Variants in NWD1 observed in about 807,000 individuals in gnomAD.
NWD1 encodes NACHT and WD repeat domain containing 1, also known as NACHT domain- and WD repeat-containing protein 1.
A neutral mutation model predicts 135.1 loss-of-function variants in NWD1; 129 were observed. The observed-to-expected ratio is 0.96, with a 90% CI of 0.83 to 1.11. The LOEUF (loss-of-function observed/expected upper bound fraction) is 1.11, where lower values mean the gene tolerates loss of function less well. NWD1 is among the 50% of genes least tolerant of loss of function. The probability of loss-of-function intolerance (pLI) is 0.00; values close to 1 mark genes in which losing one functional copy is unlikely to be tolerated. For synonymous variants in NWD1, 773 were observed against 786.0 expected (o/e 0.98, Z 0.28); for missense variants, 1,740 against 1,851.3 (o/e 0.94, Z 1.10).
At chr19:16,761,779 T>G (rs754191734) in intron 7 of NWD1, among the ~76,000 whole-genome samples, 200 bp from the exon 8 acceptor site, 3 of 151,820 alleles carry the variant, frequency 2.0e-5, no homozygotes, top group Non-Finnish European at 4.4e-5. Context: ...TTGAAATGTA[T>G]GTAAGGAAAG....
intron 17 of NWD1, among the ~76,000 whole-genome samples, chr19:16,801,151 T>C (rs1291343802): frequency 2.0e-5 from 3 of 152,008 alleles, no homozygotes; most frequent in African/African-American, 7.2e-5. Flanking sequence ...TGGTGGTGCA[T>C]GCCTGTAATC....
chr19:16,797,678 A>C (rs1599549869), intron 15 of NWD1, 54 bp from the exon 16 acceptor site: 52 of 1,524,804 alleles, frequency 3.4e-5, no homozygotes, highest in Admixed American at 1.8e-4. Flanking sequence ...GGAAGGAATG[A>C]CCCTCAATCT....
chr19:16,729,062 G>A (rs1360162773), intron 2 of NWD1, among the ~76,000 whole-genome samples: 1 of 152,020 alleles, frequency 6.6e-6, no homozygotes, highest in African/African-American at 2.4e-5. Flanking sequence ...CCTCTATGAT[G>A]TGAATGCAGC....
rs774921895 is a variant in NWD1 at position 16,749,917 on chromosome 19, T to C, written c.1275T>C (p.Ser425=). Residue 425 remains serine (S), a synonymous_variant, in exon 6 of 19, where the codon TCT becomes TCC. Transcript: ENST00000524140. ...QFFHTLLHTV[S]CRNFESLVLL... ...TCCATACCCTCCTCCACACTGTCTC[T>C]TGCAGAAACTTCGAGTCTCTCGTGC... 6.2e-7 allele frequency: 1 copy of C among 1,613,514 alleles called. No homozygotes were observed. The highest frequency in any genetic ancestry group is 8.5e-7 in the Non-Finnish European group (1 of 1,179,998).
chr19:16,811,892 T>G (rs1444179171), intron 18 of NWD1, among the ~76,000 whole-genome samples: 2 of 151,956 alleles, frequency 1.3e-5, no homozygotes, highest in Non-Finnish European at 2.9e-5. Flanking sequence ...GGCAGGAGCT[T>G]GTAGTCCCAG....
At position 16,749,187 on chromosome 19, in the gene NWD1, A is replaced by G; in HGVS notation, c.545A>G (p.Glu182Gly). 6.2e-7 allele frequency: 1 copy of G among 1,613,502 alleles called. No homozygotes were observed. The highest frequency in any genetic ancestry group is 8.5e-7 in the Non-Finnish European group (1 of 1,179,656). ...ERSLLSSEDR[E>G]QGATVFLREI... is the part of the protein sequence containing the mutation. ...AGCCTGCTGAGCTCAGAGGACCGGGAACAGGGAGCCACCGTCTTCCTTAGA... is the reference window on the plus strand; with the variant it reads ...AGCCTGCTGAGCTCAGAGGACCGGGGACAGGGAGCCACCGTCTTCCTTAGA... The change falls in exon 6 of 19, where the codon GAA becomes GGA. Residue 182 changes from glutamate (E) to glycine (G), a missense_variant. Physicochemically the swap from Glu to Gly is moderately conservative, Grantham distance 98. Transcript: ENST00000524140.
At chr19:16,770,552 C>T (rs554859707) in intron 10 of NWD1, among the ~76,000 whole-genome samples, 3 of 152,214 alleles carry the variant, frequency 2.0e-5, no homozygotes, top group South Asian at 2.1e-4. Flanking sequence ...CCCACCGTGT[C>T]CATTGAAATC....
rs766563299 is a variant in NWD1 at position 16,779,302 on chromosome 19, C to T, written c.2609-41C>T. 7 of 1,612,410 alleles carry T rather than the reference C, an allele frequency of 4.3e-6. No individual in the cohort carries two copies. In the Admixed American group the frequency reaches 6.7e-5, roughly 15 times the overall value. The stretch of plus-strand genomic sequence containing the variant: ...GACCCCATAGCTGAATACTTGGACA[C>T]AGGAACTGAGATCATTGCTGTTGCC... On this transcript the variant is annotated intron_variant, in intron 11 of 18. Coordinates refer to ENST00000524140, the MANE Select transcript of NWD1 (RefSeq NM_001007525.5).
rs781412874 is a variant in NWD1, at chr19:16,732,599, AT to A, written c.81+1336del. On this transcript the variant is annotated intron_variant, in intron 3 of 18. Transcript: ENST00000524140. ...CCTTGTACCAATCCCTGGCTAGGGA[AT>A]TTTTTTTTTTTTTTCAGATGAGGTC... Among the ~76,000 whole-genome samples, 312 of 116,134 alleles carry A rather than the reference AT, an allele frequency of 2.7e-3. 5 individuals carry two copies. Among genetic ancestry groups the A allele is most frequent in the East Asian group, 0.011 (50 of 4,422 alleles). 76.2% of individuals were successfully genotyped at this position (116,134 alleles called of 152,430 possible).
chr19:16,812,770 G>T (rs1280558138), intron 18 of NWD1: 1 of 781,116 alleles, frequency 1.3e-6, no homozygotes, highest in South Asian at 1.3e-5. Flanking sequence ...GGGGTCCAAT[G>T]TGCTTGCTTC....
chr19:16,736,556 T>C, intron 3 of NWD1, 78 bp from the exon 4 acceptor site: 1 of 945,006 alleles, frequency 1.1e-6, no homozygotes. Flanking sequence ...AGAAACTTTC[T>C]GCTTTGTCAA....
chr19:16,741,235 T>C (rs1968066097), intron 4 of NWD1, among the ~76,000 whole-genome samples: 1 of 152,166 alleles, frequency 6.6e-6, no homozygotes, highest in Admixed American at 6.6e-5. Context: ...TTAGTCGCTG[T>C]GCCCTTCCTA....
Position 16,798,014 on chromosome 19 carries a change from T to C in NWD1, c.3459+128T>C, listed in dbSNP as rs548452765. On this transcript the variant is annotated intron_variant, in intron 16 of 18. Coordinates refer to ENST00000524140, the MANE Select transcript of NWD1 (RefSeq NM_001007525.5). ...AGTGCAGGCAAAATAGGTGAGTTCA[T>C]TGGGAGGATATGGGGGTGTATCCTC... The C allele has an allele frequency of 5.7e-4, 471 of 819,960 alleles. 6 individuals are homozygous for C. In the South Asian group the frequency reaches 7.2e-3, roughly 13 times the overall value. The allele number at this position is 819,960 out of a possible 1,614,324, so 50.8% of individuals were successfully genotyped here. A position where few individuals can be genotyped will look rare whatever the true frequency, so the allele number is the denominator to read the frequency against.
chr19:16,734,615 C>T (rs1967718786), intron 3 of NWD1, among the ~76,000 whole-genome samples: 1 of 149,772 alleles, frequency 6.7e-6, no homozygotes, highest in South Asian at 2.1e-4. Flanking sequence ...GTCGCTCTGT[C>T]ACCCAGGCTG....
At chr19:16,769,368 A>C (rs572584964) in intron 10 of NWD1, among the ~76,000 whole-genome samples, 180 of 152,162 alleles carry the variant, frequency 1.2e-3, no homozygotes, top group African/African-American at 4.1e-3. Context: ...AGGCTGAGGC[A>C]GGAGAATTGC....
chr19:16,759,986 C>G (rs1254653715), intron 7 of NWD1, among the ~76,000 whole-genome samples: 1 of 151,682 alleles, frequency 6.6e-6, no homozygotes, highest in Non-Finnish European at 1.5e-5. Flanking sequence ...GAGCGAGACT[C>G]CATTTCAAAA....
rs1414135288 is a variant in NWD1, at chr19:16,731,280, T to C, written c.81+2T>C. On this transcript the variant is annotated splice_donor_variant, in intron 3 of 18. Coordinates refer to ENST00000524140, the MANE Select transcript of NWD1 (RefSeq NM_001007525.5). LOFTEE classifies it high-confidence loss of function. ...CAGAGGCACGGCTTGATGTTTGAGG[T>C]AACTGGAAGTCACTCCGGGCTCCAT... 6.6e-7 allele frequency: 1 copy of C among 1,506,746 alleles called. No individual in the cohort carries two copies. The highest frequency in any genetic ancestry group is 1.4e-5 in the African/African-American group (1 of 72,324). 93.3% of individuals were successfully genotyped at this position (1,506,746 alleles called of 1,614,324 possible). A position where few individuals can be genotyped will look rare whatever the true frequency, so the allele number is the denominator to read the frequency against.
At chr19:16,739,775 G>C (rs1276625693) in intron 4 of NWD1, among the ~76,000 whole-genome samples, 1 of 152,164 alleles carries the variant, frequency 6.6e-6, no homozygotes, top group Non-Finnish European at 1.5e-5. Flanking sequence ...CTTTTAGAGA[G>C]GCTCCTGTCT....
intron 18 of NWD1, among the ~76,000 whole-genome samples, chr19:16,810,758 G>A (rs1970901923): frequency 6.6e-6 from 1 of 152,176 alleles, no homozygotes; most frequent in African/African-American, 2.4e-5. Context: ...ACAAGATTCT[G>A]TCTCTCGAGC....
Sources: gnomAD v4.1 joint callset for allele counts (sites outside exome capture counted in the v4.1 genomes callset) on GRCh38, gnomAD v4.1.1 for gene constraint, MANE v1.5 for transcripts, NCBI Gene and HGNC (gene_info 2026-07-23, HGNC 2026-07-21) for gene names.